Variants in DISC1 observed in about 807,000 individuals in gnomAD.
DISC1 encodes the protein DISC1 scaffold protein.
In DISC1, 57 loss-of-function variants were observed where a neutral mutation model predicts 84.5. The ratio of observed to expected loss-of-function variants is 0.67; its 90% CI spans 0.55 to 0.84. DISC1 has a LOEUF of 0.84. Ranked by LOEUF, DISC1 falls within the 40% of genes least tolerant of loss-of-function variation. DISC1 has a pLI of 0.00. For synonymous variants in DISC1, 411 were observed against 415.2 expected (o/e 0.99, Z 0.12); for missense variants, 1,000 against 1,057.8 (o/e 0.95, Z 0.76).
At chr1:231,879,248 G>C (rs2086117662) in intron 9 of DISC1, among the ~76,000 whole-genome samples, 1 of 152,058 alleles carries the variant, frequency 6.6e-6, no homozygotes, top group South Asian at 2.1e-4. Context: ...TTCAGATTTT[G>C]AGATTAGGGA....
intron 10 of DISC1, among the ~76,000 whole-genome samples, chr1:231,972,924 G>A (rs969877282): frequency 6.6e-6 from 1 of 152,130 alleles, no homozygotes; most frequent in African/African-American, 2.4e-5. Flanking sequence ...TGTGAAACCC[G>A]TAATATTGGG....
intron 4 of DISC1, among the ~76,000 whole-genome samples, chr1:231,759,670 C>A (rs559690676): frequency 6.6e-4 from 100 of 152,156 alleles, no homozygotes; most frequent in Non-Finnish European, 1.0e-3. Flanking sequence ...TACACCACTG[C>A]ACTCCAGCCT....
Position 231,693,866 on chromosome 1 carries a change from G to GCGGCGGCTGGCA in DISC1, c.112_123dup (p.Leu39_Arg42dup). 1 of 1,614,066 alleles carries GCGGCGGCTGGCA rather than the reference G, an allele frequency of 6.2e-7. No homozygotes were observed. Among genetic ancestry groups the GCGGCGGCTGGCA allele is most frequent in the Non-Finnish European group, 8.5e-7 (1 of 1,180,032 alleles). ...TACCACCTGCAGCGTGCTTTCGGAG[G>GCGGCGGCTGGCA]CGGCGGCTGGCACGGAGGCCGGGCT... On this transcript the variant is annotated inframe_insertion, in exon 2 of 13. Transcript: ENST00000439617.
chr1:231,721,453 G>A (rs1056155216), intron 3 of DISC1, among the ~76,000 whole-genome samples: 2 of 152,174 alleles, frequency 1.3e-5, no homozygotes, highest in Non-Finnish European at 2.9e-5. Context: ...ATTAATATTT[G>A]ATGCATATTT....
rs146017444 is a variant in DISC1, at chr1:231,710,435, A to G, written c.1117+8411A>G. On this transcript the variant is annotated intron_variant, in intron 3 of 12. Transcript: ENST00000439617. ...GATGCAAACCCCCAAATTGACATGTACCTTCCCATTACAACAATTTTAGGT... is the reference window on the plus strand; with the variant it reads ...GATGCAAACCCCCAAATTGACATGTGCCTTCCCATTACAACAATTTTAGGT... 3.3e-4 allele frequency among the ~76,000 whole-genome samples: 51 copies of G among 152,314 alleles called. 1 individual carries two copies. The East Asian group carries it at 9.5e-3, about 28-fold the overall frequency.
At chr1:231,771,369 T>G (rs946455101) in intron 6 of DISC1, 23 of 985,308 alleles carry the variant, frequency 2.3e-5, no homozygotes, top group Non-Finnish European at 2.8e-5. Flanking sequence ...CTTTGAGAAC[T>G]GTTGGAATTC....
intron 1 of DISC1, among the ~76,000 whole-genome samples, chr1:231,638,693 T>C (rs1182489088): frequency 2.0e-5 from 3 of 152,234 alleles, no homozygotes; most frequent in Non-Finnish European, 4.4e-5. Context: ...TTCTGTTTCA[T>C]TGATCTATGT....
intron 9 of DISC1, among the ~76,000 whole-genome samples, chr1:231,931,173 C>G (rs950384161): frequency 6.6e-6 from 1 of 152,078 alleles, no homozygotes; most frequent in Non-Finnish European, 1.5e-5. Context: ...CAGAGGGGAG[C>G]AGGACCACCT....
intron 6 of DISC1, among the ~76,000 whole-genome samples, chr1:231,786,160 A>G (rs1264226193): frequency 1.3e-5 from 2 of 152,132 alleles, no homozygotes; most frequent in Non-Finnish European, 2.9e-5. Flanking sequence ...TGTGTTTTTT[A>G]GATTCTCTAA....
chr1:231,628,847 T>C (rs1179750012), intron 1 of DISC1, among the ~76,000 whole-genome samples: 1 of 152,174 alleles, frequency 6.6e-6, no homozygotes, highest in African/African-American at 2.4e-5. Flanking sequence ...GCTCAAGAGA[T>C]CCTCCTGTTC....
At position 231,800,155 on chromosome 1, in the gene DISC1, C is replaced by T. The variant is rs760982112; in HGVS notation, c.1737C>T (p.Asn579=). Residue 579 remains asparagine (N), a synonymous_variant, in exon 8 of 13, where the codon AAC becomes AAT. Transcript: ENST00000439617. ...GCAGCACCCTGAGGAAGAAAGTTAA[C>T]GATATTGAAACCCAACTACCAGCCT... ...KFCSTLRKKV[N]DIETQLPALL... 4.3e-5 allele frequency: 70 copies of T among 1,611,580 alleles called. No homozygotes were observed. Among genetic ancestry groups the T allele is most frequent in the African/African-American group, 4.2e-4 (31 of 74,604 alleles).
At position 231,734,522 on chromosome 1, in the gene DISC1, C is replaced by T. The variant is rs143274617; in HGVS notation, c.1118-15404C>T. On this transcript the variant is annotated intron_variant, in intron 3 of 12. Transcript: ENST00000439617. ...TCTCACGCACACACACACACGCATG[C>T]GCACACACACACAAGCTTGCTAGAG... Among the ~76,000 whole-genome samples, 85 of 152,162 alleles carry T rather than the reference C, an allele frequency of 5.6e-4. 1 individual carries two copies. The highest frequency in any genetic ancestry group is 5.2e-3 in the East Asian group (27 of 5,184).
chr1:231,772,880 C>G (rs536739795), intron 6 of DISC1, among the ~76,000 whole-genome samples: 7 of 150,512 alleles, frequency 4.7e-5, no homozygotes, highest in African/African-American at 1.5e-4. Flanking sequence ...GCAGAACTCT[C>G]CATGGCTCAT....
At chr1:231,678,279 A>G (rs1211450782) in intron 1 of DISC1, among the ~76,000 whole-genome samples, 2 of 152,214 alleles carry the variant, frequency 1.3e-5, no homozygotes, top group Non-Finnish European at 2.9e-5. Flanking sequence ...AAGAGGACGA[A>G]TGTGTTATTT....
intron 3 of DISC1, among the ~76,000 whole-genome samples, chr1:231,719,247 C>A (rs2069248815): frequency 6.6e-6 from 1 of 152,276 alleles, no homozygotes; most frequent in South Asian, 2.1e-4. Context: ...AACTGTTAGC[C>A]TCCTAGGGAA....
At chr1:231,652,506 C>T (rs959027483) in intron 1 of DISC1, among the ~76,000 whole-genome samples, 1 of 152,134 alleles carries the variant, frequency 6.6e-6, no homozygotes, top group Non-Finnish European at 1.5e-5. Flanking sequence ...ACTGCTCAAA[C>T]ATAGCTTGTT....
rs1443700803 is a variant in DISC1 at position 231,675,733 on chromosome 1, C to T, written c.68-18093C>T. On this transcript the variant is annotated intron_variant, in intron 1 of 12. Coordinates refer to ENST00000439617, the MANE Select transcript of DISC1 (RefSeq NM_018662.3). This position sits in a 1 kb window ranked among gnomAD's most constrained non-coding sequence, Gnocchi z 4.1. ...CTCTGTCTTTGTCTTCTCTTGTCTT[C>T]GAGGTCCTTCTTACTCCCTTGTCCA... Among the ~76,000 whole-genome samples the T allele has an allele frequency of 1.3e-5, 2 of 152,120 alleles. No homozygotes were observed. The highest frequency in any genetic ancestry group is 2.9e-5 in the Non-Finnish European group (2 of 68,010).
At chr1:231,916,054 G>A (rs974973417) in intron 9 of DISC1, among the ~76,000 whole-genome samples, 3 of 152,254 alleles carry the variant, frequency 2.0e-5, no homozygotes, top group East Asian at 1.9e-4. Flanking sequence ...TCTTTTCCAC[G>A]AAACAATTTA....
intron 9 of DISC1, among the ~76,000 whole-genome samples, chr1:231,907,140 T>TC (rs2088791159): frequency 4.4e-4 from 19 of 43,166 alleles, no homozygotes; most frequent in African/African-American, 1.3e-3. Context: ...CCTCTTTCTT[T>TC]CTTTCTTTCT....
Sources: gnomAD v4.1 joint callset for allele counts (sites outside exome capture counted in the v4.1 genomes callset) on GRCh38, gnomAD v4.1.1 for gene constraint, Gnocchi (gnomAD v3.1) non-coding constraint, MANE v1.5 for transcripts, NCBI Gene and HGNC (gene_info 2026-07-23, HGNC 2026-07-21) for gene names.